Variants in RBMXL1 observed in about 807,000 individuals in gnomAD.
The protein encoded by RBMXL1 is RNA binding motif protein, X-linked-like-1.
A neutral mutation model predicts 29.0 loss-of-function variants in RBMXL1; 18 were observed. The observed-to-expected ratio is 0.62, with a 90% CI of 0.43 to 0.92. The LOEUF (loss-of-function observed/expected upper bound fraction) is 0.92. Among genes scored for constraint, RBMXL1 ranks in the 40% least tolerant of loss-of-function variants. RBMXL1 has a pLI of 0.00. For synonymous variants in RBMXL1, 141 were observed against 170.4 expected (o/e 0.83, Z 1.34); for missense variants, 403 against 495.8 (o/e 0.81, Z 1.78).
chr1:88,987,272 A>C (rs1677516931), intron 2 of RBMXL1, among the ~76,000 whole-genome samples: 1 of 152,172 alleles, frequency 6.6e-6, no homozygotes, highest in Non-Finnish European at 1.5e-5. Flanking sequence ...CACCTTGGGG[A>C]AGCACAACCA....
chr1:88,991,981 T>G (rs36005939), intron 1 of RBMXL1, among the ~76,000 whole-genome samples: 159 of 48,944 alleles, frequency 3.2e-3, no homozygotes, highest in Non-Finnish European at 4.4e-3. Flanking sequence ...GGTATTCTTT[T>G]GGTTTTTTTT....
In RBMXL1 at chr1:88,980,368, G is replaced by A. The variant is rs1677022434; in HGVS notation, c.*2286C>T. 6.6e-6 allele frequency: 1 copy of A among 151,898 alleles called. No individual in the cohort carries two copies. Among genetic ancestry groups the A allele is most frequent in the South Asian group, 2.1e-4 (1 of 4,804 alleles). The allele number at this position is 151,898 out of a possible 1,614,324, so 9.4% of individuals were successfully genotyped here. On this transcript the variant is annotated 3_prime_UTR_variant, in exon 3 of 3. Transcript: ENST00000652648. ...AATCATGCCTTCTTTTCTCCCTCTG[G>A]ACCAAGCACCCGCCCAAGCAAGCCA...
In RBMXL1 at chr1:88,987,891, T is replaced by C. The variant is rs578100299; in HGVS notation, c.-241+361A>G. Reference sequence around the variant, plus strand: ...CTGAATCAAGTTCCTAAAGCAGATGTACGTATTGTATTTGGTGGTTATGGG... The same window carrying C: ...CTGAATCAAGTTCCTAAAGCAGATGCACGTATTGTATTTGGTGGTTATGGG... On this transcript the variant is annotated intron_variant, in intron 2 of 2. Coordinates refer to ENST00000652648, the MANE Select transcript of RBMXL1 (RefSeq NM_001162536.3). Among the ~76,000 whole-genome samples the C allele has an allele frequency of 2.0e-5, 3 of 152,336 alleles. No homozygotes were observed. In the South Asian group the frequency reaches 6.2e-4, roughly 32 times the overall value.
intron 2 of RBMXL1, among the ~76,000 whole-genome samples, chr1:88,987,525 T>C (rs905994618): frequency 6.6e-6 from 1 of 152,166 alleles, no homozygotes; most frequent in East Asian, 1.9e-4. Context: ...ACAAAAATGG[T>C]ACTTCATATG....
rs776896611 is a variant in RBMXL1, at chr1:88,979,544, T to C, written c.*3110A>G. On this transcript the variant is annotated 3_prime_UTR_variant, in exon 3 of 3. Transcript: ENST00000652648. ...ATCCAATTAAAAGTGGGCAAAAGAT[T>C]TGACAGCCACTTCACAGAAAATATA... 2 of 152,126 alleles carry C rather than the reference T, an allele frequency of 1.3e-5. No individual in the cohort carries two copies. The highest frequency in any genetic ancestry group is 2.9e-5 in the Non-Finnish European group (2 of 68,016). 9.4% of individuals were successfully genotyped at this position (152,126 alleles called of 1,614,324 possible).
At position 88,982,486 on chromosome 1, in the gene RBMXL1, T is replaced by G. The variant is rs991711261; in HGVS notation, c.*168A>C. On this transcript the variant is annotated 3_prime_UTR_variant, in exon 3 of 3. Transcript: ENST00000652648. Reference sequence around the variant, plus strand: ...TCAAATAAAATTAAACATGTTTTACTTTTTTCCTCACAAGAACATAAAAAT... The same window carrying G: ...TCAAATAAAATTAAACATGTTTTACGTTTTTCCTCACAAGAACATAAAAAT... The G allele has an allele frequency of 1.7e-6, 2 of 1,177,952 alleles. No individual in the cohort carries two copies. Among genetic ancestry groups the G allele is most frequent in the Non-Finnish European group, 2.3e-6 (2 of 858,568 alleles). 73.0% of individuals were successfully genotyped at this position (1,177,952 alleles called of 1,614,324 possible). A position where few individuals can be genotyped will look rare whatever the true frequency, so the allele number is the denominator to read the frequency against.
chr1:88,986,682 A>G (rs1165129049), intron 2 of RBMXL1, among the ~76,000 whole-genome samples: 1 of 152,222 alleles, frequency 6.6e-6, no homozygotes, highest in Non-Finnish European at 1.5e-5. Context: ...AGGAAAATAC[A>G]GCCTATCCTT....
At chr1:88,987,979 T>C (rs996190956) in intron 2 of RBMXL1, among the ~76,000 whole-genome samples, 1 of 152,216 alleles carries the variant, frequency 6.6e-6, no homozygotes, top group East Asian at 1.9e-4. Flanking sequence ...TTTTTTCCCA[T>C]GCCACTGGAC....
rs371813290 is a variant in RBMXL1, at chr1:88,983,234, G to A, written c.593C>T (p.Pro198Leu). The A allele has an allele frequency of 1.6e-4, 253 of 1,613,168 alleles. No homozygotes were observed. The highest frequency in any genetic ancestry group is 2.0e-4 in the Non-Finnish European group (240 of 1,179,952). Residue 198 changes from proline (P) to leucine (L), a missense_variant, in exon 3 of 3, where the codon CCG (proline) becomes CTG (leucine). Physicochemically the swap from Pro to Leu is moderately conservative, Grantham distance 98. Coordinates refer to ENST00000652648, the MANE Select transcript of RBMXL1 (RefSeq NM_001162536.3). ...ATAAACATCTCTACGAGAGGGGAGCGGTTCCCTTCGAGGTGGACCTCCATA... is the reference window on the plus strand; with the variant it reads ...ATAAACATCTCTACGAGAGGGGAGCAGTTCCCTTCGAGGTGGACCTCCATA... Reference protein sequence around the residue: ...DSYGGPPRREPLPSRRDVYLS... With the variant: ...DSYGGPPRRELLPSRRDVYLS...
Position 88,983,702 on chromosome 1 carries a change from T to G in RBMXL1, c.125A>C (p.Asp42Ala), listed in dbSNP as rs552239247. The part of the protein sequence containing the change: ...GRIVEVLLIK[D>A]RETNKSRGFA... Reference sequence around the variant, plus strand: ...TCCTCTTGATTTGTTGGTTTCACGGTCTTTTATCAAGAGTACTTCCACTAT... The same window carrying G: ...TCCTCTTGATTTGTTGGTTTCACGGGCTTTTATCAAGAGTACTTCCACTAT... The change falls in exon 3 of 3, where the codon GAC (aspartate) becomes GCC (alanine). Residue 42 changes from aspartate (D) to alanine (A), a missense_variant. Transcript: ENST00000652648. 2.5e-6 allele frequency: 4 copies of G among 1,613,936 alleles called. No individual in the cohort carries two copies. In the South Asian group the frequency reaches 4.4e-5, roughly 18 times the overall value.
Position 88,983,886 on chromosome 1 carries a change from C to T in RBMXL1, c.-60G>A. The T allele has an allele frequency of 1.2e-6, 2 of 1,605,372 alleles. No homozygotes were observed. The highest frequency in any genetic ancestry group is 1.7e-5 in the Admixed American group (1 of 59,808). On this transcript the variant is annotated 5_prime_UTR_variant, in exon 3 of 3. Transcript: ENST00000652648. The stretch of plus-strand genomic sequence containing the variant: ...TGGGTTCAAGCTCCAACAAGCTCGC[C>T]GACAGGGGCTTCCTAGCAGCTCAGC...
intron 2 of RBMXL1, among the ~76,000 whole-genome samples, chr1:88,984,350 G>A (rs760692598): frequency 6.6e-6 from 1 of 151,682 alleles, no homozygotes; most frequent in Non-Finnish European, 1.5e-5. Flanking sequence ...GAGTAGCTTG[G>A]ATTACCGGCA....
Position 88,983,249 on chromosome 1 carries a change from G to A in RBMXL1, c.578C>T (p.Pro193Leu), listed in dbSNP as rs1677206998. The A allele has an allele frequency of 6.2e-7, 1 of 1,613,504 alleles. No homozygotes were observed. The highest frequency in any genetic ancestry group is 1.1e-5 in the South Asian group (1 of 91,050). The change falls in exon 3 of 3, where the codon CCA becomes CTA. Residue 193 changes from proline to leucine, a missense_variant. Transcript: ENST00000652648. ...AGAGGGGAGCGGTTCCCTTCGAGGT[G>A]GACCTCCATAACTATCTCTTCCACG... Reference protein sequence around the residue: ...LSRGRDSYGGPPRREPLPSRR... With the variant: ...LSRGRDSYGGLPRREPLPSRR...
rs148810594 is a variant in RBMXL1, at chr1:88,983,294, C to T, written c.533G>A (p.Gly178Glu). The T allele has an allele frequency of 4.0e-4, 649 of 1,613,966 alleles. 2 individuals carry two copies. In the African/African-American group the frequency reaches 7.5e-3, roughly 19 times the overall value. Reference sequence around the variant, plus strand: ...TCCACGTGATAGAGGAGCTCTTCCTCCCATTCCACTGCTGCTGCGAACTAG... The same window carrying T: ...TCCACGTGATAGAGGAGCTCTTCCTTCCATTCCACTGCTGCTGCGAACTAG... ...SGLVRSSSGM[G>E]GRAPLSRGRD... Residue 178 changes from glycine to glutamate, a missense_variant, in exon 3 of 3, where the codon GGA (glycine) becomes GAA (glutamate). Coordinates refer to ENST00000652648, the MANE Select transcript of RBMXL1 (RefSeq NM_001162536.3).
chr1:88,982,851 T>C lies in RBMXL1; in HGVS notation c.976A>G (p.Ser326Gly), dbSNP rs958660134. ...AGATCACTTCGGCTGCTTGAGTAAC[T>C]GTCTCGACTTCCACCATATCCATCA... is the stretch of plus-strand genomic sequence containing the variant. The part of the protein sequence containing the change: ...SRDGYGGSRD[S>G]YSSSRSDLYS... Residue 326 changes from serine to glycine, a missense_variant, in exon 3 of 3, where the codon AGT becomes GGT. By Grantham distance (56) the Ser-to-Gly change is moderately conservative (BLOSUM62 0). Coordinates refer to ENST00000652648, the MANE Select transcript of RBMXL1 (RefSeq NM_001162536.3). The C allele has an allele frequency of 6.2e-7, 1 of 1,613,880 alleles. No individual in the cohort carries two copies. Among genetic ancestry groups the C allele is most frequent in the Non-Finnish European group, 8.5e-7 (1 of 1,179,878 alleles).
In RBMXL1 at chr1:88,982,774, A is replaced by G. The variant is rs757903508; in HGVS notation, c.1053T>C (p.Ser351=). 6 of 1,613,860 alleles carry G rather than the reference A, an allele frequency of 3.7e-6. No homozygotes were observed. The highest frequency in any genetic ancestry group is 4.2e-6 in the Non-Finnish European group (5 of 1,179,880). The change falls in exon 3 of 3, where the codon TCT becomes TCC. Residue 351 remains serine, a synonymous_variant. Coordinates refer to ENST00000652648, the MANE Select transcript of RBMXL1 (RefSeq NM_001162536.3). ...GTGAAGAAGGGTACCCCCTTTCTAC[A>G]GAAGGGGGAAGCCCTCTTTCTTGTC... ...VGRQERGLPP[S]VERGYPSSRD...
intron 2 of RBMXL1, among the ~76,000 whole-genome samples, chr1:88,985,898 G>A (rs1461328807): frequency 1.3e-5 from 2 of 152,090 alleles, no homozygotes; most frequent in Admixed American, 6.5e-5. Context: ...AGAGAGGGTT[G>A]GGCTGGACGC....
chr1:88,981,062 T>C lies in RBMXL1; in HGVS notation c.*1592A>G, dbSNP rs1677063381. 6.6e-6 allele frequency: 1 copy of C among 152,236 alleles called. No individual in the cohort carries two copies. Among genetic ancestry groups the C allele is most frequent in the African/African-American group, 2.4e-5 (1 of 41,464 alleles). 9.4% of individuals were successfully genotyped at this position (152,236 alleles called of 1,614,324 possible). A position where few individuals can be genotyped will look rare whatever the true frequency, so the allele number is the denominator to read the frequency against. On this transcript the variant is annotated 3_prime_UTR_variant, in exon 3 of 3. Coordinates refer to ENST00000652648, the MANE Select transcript of RBMXL1 (RefSeq NM_001162536.3). ...TTTGAGAACATTACACTATTGGCTC[T>C]AGTCTCCAAAGCAATAAACTAAAAC...
At position 88,982,336 on chromosome 1, in the gene RBMXL1, C is replaced by T. The variant is rs1677132211; in HGVS notation, c.*318G>A. ...TGGAAGATCTTAGAATTGCTTGCCTCATTTACTGGGAAAAACCAGATAGGA... is the reference window on the plus strand; with the variant it reads ...TGGAAGATCTTAGAATTGCTTGCCTTATTTACTGGGAAAAACCAGATAGGA... On this transcript the variant is annotated 3_prime_UTR_variant, in exon 3 of 3. Coordinates refer to ENST00000652648, the MANE Select transcript of RBMXL1 (RefSeq NM_001162536.3). 1 of 726,720 alleles carries T rather than the reference C, an allele frequency of 1.4e-6. No homozygotes were observed. Among genetic ancestry groups the T allele is most frequent in the Non-Finnish European group, 1.8e-6 (1 of 549,522 alleles). The allele number at this position is 726,720 out of a possible 1,614,324, so 45.0% of individuals were successfully genotyped here.
Sources: allele counts gnomAD v4.1 joint callset (sites outside exome capture counted in the v4.1 genomes callset), GRCh38; gene constraint gnomAD v4.1.1; transcripts MANE v1.5; gene names NCBI Gene and HGNC (gene_info 2026-07-23, HGNC 2026-07-21).